Variants in SGCZ observed in about 807,000 individuals in gnomAD.
SGCZ encodes sarcoglycan zeta.
Under a neutral mutation model 41.3 loss-of-function variants are expected in SGCZ, and 40 were observed. The observed-to-expected ratio is 0.97, with a 90% confidence interval of 0.75 to 1.26. The LOEUF is 1.26. Ranked by LOEUF, SGCZ falls within the 50% of genes most tolerant of loss-of-function variation. The pLI is 0.00. For synonymous variants in SGCZ, 206 were observed against 137.5 expected (o/e 1.50, Z -3.49); for missense variants, 552 against 369.8 (o/e 1.49, Z -4.04).
chr8:15,027,412 T>A (rs1476391980), intron 1 of SGCZ, among the ~76,000 whole-genome samples: 1 of 151,616 alleles, frequency 6.6e-6, no homozygotes, highest in Admixed American at 6.6e-5. Context: ...AAAAAAGAAA[T>A]AATTTGTGAG....
rs117374832 is a variant in SGCZ at position 14,842,282 on chromosome 8, A to G, written c.40-287356T>C. On this transcript the variant is annotated intron_variant, in intron 1 of 7. Transcript: ENST00000382080. ...CTGAAGGATAAGTGAAAGAAAATTA[A>G]TCAAAGTGGAATAAAGAGATTCAAA... Among the ~76,000 whole-genome samples, 932 of 152,208 alleles carry G rather than the reference A, an allele frequency of 6.1e-3. 5 individuals carry two copies. Among genetic ancestry groups the G allele is most frequent in the Middle Eastern group, 0.02 (6 of 294 alleles).
At chr8:14,604,154 C>T (rs780107363) in intron 1 of SGCZ, among the ~76,000 whole-genome samples, 1 of 151,960 alleles carries the variant, frequency 6.6e-6, no homozygotes, top group East Asian at 1.9e-4. Flanking sequence ...ATCAAAAATG[C>T]TACTGTAATG....
chr8:14,738,996 T>C (rs1585221883), intron 1 of SGCZ, among the ~76,000 whole-genome samples: 1 of 152,046 alleles, frequency 6.6e-6, no homozygotes, highest in African/African-American at 2.4e-5. Context: ...CCTGAAAGAA[T>C]ATACATGCAT....
chr8:14,430,161 T>C (rs1002919352), intron 2 of SGCZ, among the ~76,000 whole-genome samples: 15 of 152,174 alleles, frequency 9.9e-5, no homozygotes, highest in East Asian at 9.7e-4. Context: ...TCCCACAAGA[T>C]AGAGAAAGAG....
In SGCZ at chr8:14,285,904, G is replaced by A. The variant is rs533691381; in HGVS notation, c.336+38199C>T. Among the ~76,000 whole-genome samples the A allele has an allele frequency of 7.9e-5, 12 of 152,146 alleles. 1 individual carries two copies. The highest frequency in any genetic ancestry group is 2.6e-4 in the African/African-American group (11 of 41,538). On this transcript the variant is annotated intron_variant, in intron 3 of 7. Transcript: ENST00000382080. ...GCTGACAATTTTATGTAAAAAAGGA[G>A]ACATCCTATGATTAGAATACAACAT...
At chr8:14,222,942 G>C (rs1806252270) in intron 4 of SGCZ, among the ~76,000 whole-genome samples, 1 of 151,142 alleles carries the variant, frequency 6.6e-6, no homozygotes, top group Non-Finnish European at 1.5e-5. Flanking sequence ...CTTTTCAGTA[G>C]CTAAGATTAC....
intron 1 of SGCZ, among the ~76,000 whole-genome samples, chr8:14,625,602 G>C (rs912004405): frequency 2.6e-5 from 4 of 151,568 alleles, no homozygotes; most frequent in African/African-American, 9.7e-5. Flanking sequence ...TTTTTGTTTT[G>C]TTTATTTTGT....
intron 1 of SGCZ, among the ~76,000 whole-genome samples, chr8:14,821,292 AAC>A (rs1802073510): frequency 6.6e-6 from 1 of 151,998 alleles, no homozygotes; most frequent in Admixed American, 6.6e-5. Context: ...AACTGAACAG[AAC>A]AATAATGAGA....
At chr8:14,146,643 C>T (rs761883996) in intron 5 of SGCZ, among the ~76,000 whole-genome samples, 3 of 151,880 alleles carry the variant, frequency 2.0e-5, no homozygotes, top group Admixed American at 6.6e-5. Flanking sequence ...GAGGCCGAGG[C>T]GGGCGGATCA....
chr8:15,156,907 C>T (rs1052808415), intron 1 of SGCZ, among the ~76,000 whole-genome samples: 19 of 148,236 alleles, frequency 1.3e-4, no homozygotes, highest in African/African-American at 4.5e-4. Flanking sequence ...CATGCAGCAT[C>T]GCACTCCGCC....
intron 5 of SGCZ, among the ~76,000 whole-genome samples, chr8:14,115,944 T>G (rs1352218972): frequency 3.3e-5 from 5 of 152,058 alleles, no homozygotes; most frequent in Non-Finnish European, 7.4e-5. Flanking sequence ...AGAAACTGTG[T>G]TTTCCACTGG....
intron 1 of SGCZ, among the ~76,000 whole-genome samples, chr8:14,716,416 T>C (rs1309838382): frequency 2.0e-5 from 3 of 152,118 alleles, no homozygotes; most frequent in Non-Finnish European, 4.4e-5. Flanking sequence ...ATATTGATTA[T>C]TAATCTATAC....
At chr8:14,473,403 C>G (rs752322976) in intron 2 of SGCZ, among the ~76,000 whole-genome samples, 5 of 152,082 alleles carry the variant, frequency 3.3e-5, no homozygotes, top group Non-Finnish European at 7.4e-5. Context: ...TATGAAATAA[C>G]TTCATTAAAA....
intron 2 of SGCZ, among the ~76,000 whole-genome samples, chr8:14,347,827 T>C (rs1262515740): frequency 6.6e-6 from 1 of 152,162 alleles, no homozygotes; most frequent in African/African-American, 2.4e-5. Flanking sequence ...GAAATAATTC[T>C]ATTCATACAC....
At chr8:15,041,480 G>C (rs1804094726) in intron 1 of SGCZ, among the ~76,000 whole-genome samples, 1 of 151,756 alleles carries the variant, frequency 6.6e-6, no homozygotes, top group Non-Finnish European at 1.5e-5. Flanking sequence ...ATTTTATATG[G>C]CTTATTTTCT....
intron 1 of SGCZ, among the ~76,000 whole-genome samples, chr8:14,967,077 T>A (rs1801147783): frequency 6.6e-6 from 1 of 152,176 alleles, no homozygotes. Context: ...TCTTTCATTT[T>A]CATTAGCTCA....
At chr8:15,140,584 A>T (rs1276487348) in intron 1 of SGCZ, among the ~76,000 whole-genome samples, 1 of 152,044 alleles carries the variant, frequency 6.6e-6, no homozygotes, top group African/African-American at 2.4e-5. Flanking sequence ...ACCAACAAAA[A>T]CCAAAAATGA....
At chr8:14,126,230 A>T (rs908178100) in intron 5 of SGCZ, among the ~76,000 whole-genome samples, 2 of 152,254 alleles carry the variant, frequency 1.3e-5, no homozygotes, top group African/African-American at 4.8e-5. Context: ...CAATCTACCC[A>T]TTTGACAAAT....
At chr8:14,963,868 A>C (rs1801046080) in intron 1 of SGCZ, among the ~76,000 whole-genome samples, 1 of 152,072 alleles carries the variant, frequency 6.6e-6, no homozygotes, top group Admixed American at 6.6e-5. Flanking sequence ...CTTCAAATTT[A>C]TTTCTTTTCA....
Sources: allele counts gnomAD v4.1 joint callset (sites outside exome capture counted in the v4.1 genomes callset), GRCh38; gene constraint gnomAD v4.1.1; transcripts MANE v1.5; gene names NCBI Gene and HGNC (gene_info 2026-07-23, HGNC 2026-07-21).